Variants in EML1 observed in about 807,000 individuals in gnomAD.
The protein encoded by EML1 is echinoderm microtubule-associated protein-like 1.
EML1 carries 27 observed loss-of-function variants against 110.4 expected under a neutral mutation model. The ratio of observed to expected loss-of-function variants is 0.24; its 90% CI spans 0.18 to 0.34. EML1 has a LOEUF of 0.34. Ranked by LOEUF, EML1 falls within the 10% of genes least tolerant of loss-of-function variation. The pLI is 1.00. For missense variants in EML1, 741 were observed against 1,030.9 expected (o/e 0.72, Z 3.85); for synonymous variants, 344 against 385.8 (o/e 0.89, Z 1.27).
intron 1 of EML1, among the ~76,000 whole-genome samples, chr14:99,758,835 A>G (rs2057284996): frequency 1.3e-5 from 2 of 152,198 alleles, no homozygotes; most frequent in Non-Finnish European, 1.5e-5. Context: ...TGCCCTGTCC[A>G]TCACAATGAA....
At chr14:99,808,909 T>C (rs935723486) in intron 1 of EML1, among the ~76,000 whole-genome samples, 28 of 152,246 alleles carry the variant, frequency 1.8e-4, no homozygotes, top group Non-Finnish European at 2.6e-4. Flanking sequence ...GTAAGTAAAA[T>C]ACTACTTTAT....
intron 1 of EML1, among the ~76,000 whole-genome samples, chr14:99,754,891 G>A (rs1384504784): frequency 3.3e-5 from 5 of 152,226 alleles, no homozygotes; most frequent in African/African-American, 9.6e-5. Context: ...CCCATGATCC[G>A]GAGACAGCAG....
chr14:99,828,323 C>T (rs573476856), intron 1 of EML1, among the ~76,000 whole-genome samples: 42 of 152,064 alleles, frequency 2.8e-4, no homozygotes, highest in Non-Finnish European at 4.6e-4. Context: ...AACCTTGTGC[C>T]GTCTGCTTTC....
chr14:99,771,603 G>A (rs1054129921), upstream of EML1, among the ~76,000 whole-genome samples: 2 of 152,204 alleles, frequency 1.3e-5, no homozygotes, highest in Non-Finnish European at 2.9e-5. Flanking sequence ...CTTGAGCCCA[G>A]GAGTTTGAGA....
chr14:99,764,991 G>A (rs1237343696), intron 1 of EML1, among the ~76,000 whole-genome samples: 1 of 152,120 alleles, frequency 6.6e-6, no homozygotes, highest in Non-Finnish European at 1.5e-5. Flanking sequence ...AAGCTGGAGC[G>A]CAGTGGAACA....
chr14:99,774,251 TC>T (rs1156893862), intron 1 of EML1, among the ~76,000 whole-genome samples: 1 of 152,060 alleles, frequency 6.6e-6, no homozygotes, highest in East Asian at 1.9e-4. Context: ...GGGGGGACTT[TC>T]CCAGGCTCTA....
intron 5 of EML1, chr14:99,892,293 A>G (rs2059600839): frequency 4.8e-5 from 38 of 798,958 alleles, no homozygotes; most frequent in Non-Finnish European, 5.8e-5. Context: ...CTCTCCTTGT[A>G]TGAAAATGTT....
chr14:99,900,999 T>C lies in EML1; in HGVS notation c.968T>C (p.Phe323Ser). Residue 323 changes from phenylalanine (F) to serine (S), a missense_variant, in exon 9 of 22, where the codon TTT becomes TCT. Physicochemically the swap from Phe to Ser is radical, Grantham distance 155 (BLOSUM62 -2). This residue lies in a region of EML1 where 388 missense variants were observed against 605.6 expected (regional missense o/e 0.64). Coordinates refer to ENST00000262233, the MANE Select transcript of EML1 (RefSeq NM_004434.3). Reference protein sequence around the residue: ...LNTLHVIGIGFFDRAVTCIAF... With the variant: ...LNTLHVIGIGSFDRAVTCIAF... ...ACTCTCCACGTCATTGGAATAGGTT[T>C]TTTTGACCGAGCAGTCACCTGTATT... is the stretch of plus-strand genomic sequence containing the variant. 1 of 1,614,234 alleles carries C rather than the reference T, an allele frequency of 6.2e-7. No homozygotes were observed. Among genetic ancestry groups the C allele is most frequent in the Non-Finnish European group, 8.5e-7 (1 of 1,180,044 alleles).
chr14:99,756,257 C>G (rs559478949), intron 1 of EML1, among the ~76,000 whole-genome samples: 1 of 152,274 alleles, frequency 6.6e-6, no homozygotes, highest in Non-Finnish European at 1.5e-5. Flanking sequence ...CAGTCCCTTC[C>G]GACTTAAGGG....
At chr14:99,815,541 T>C (rs1292737725) in intron 1 of EML1, among the ~76,000 whole-genome samples, 1 of 152,206 alleles carries the variant, frequency 6.6e-6, no homozygotes. Context: ...AAAATTGTAA[T>C]TGATCTATTT....
intron 3 of EML1, among the ~76,000 whole-genome samples, chr14:99,872,012 C>T (rs1477225769): frequency 1.3e-5 from 2 of 152,158 alleles, no homozygotes; most frequent in African/African-American, 2.4e-5. Flanking sequence ...TCAGGAAAAA[C>T]GCTTGATATA....
intron 8 of EML1, among the ~76,000 whole-genome samples, chr14:99,899,034 T>A (rs1324791279): frequency 6.6e-5 from 10 of 152,228 alleles, no homozygotes. Flanking sequence ...AGTTTGTGTC[T>A]GTGTGCAGTC....
intron 1 of EML1, among the ~76,000 whole-genome samples, chr14:99,846,355 T>C (rs2058708350): frequency 6.7e-6 from 1 of 149,192 alleles, no homozygotes; most frequent in Non-Finnish European, 1.5e-5. Flanking sequence ...CAATCTCGGC[T>C]TACTGCAACC....
At chr14:99,753,929 A>G (rs556087074) in intron 1 of EML1, among the ~76,000 whole-genome samples, 1 of 152,268 alleles carries the variant, frequency 6.6e-6, no homozygotes, top group African/African-American at 2.4e-5. Flanking sequence ...TACTCCATGG[A>G]GGCAGAGGCT....
intron 7 of EML1, among the ~76,000 whole-genome samples, chr14:99,897,765 T>C (rs547514279): frequency 2.0e-5 from 3 of 152,230 alleles, no homozygotes; most frequent in Non-Finnish European, 1.5e-5. Context: ...CTGAGTCGGC[T>C]CTTCCCATAA....
chr14:99,838,937 G>GCA (rs2058589522), intron 1 of EML1: 2 of 151,812 alleles, frequency 1.3e-5, no homozygotes, highest in South Asian at 2.1e-4. Flanking sequence ...GTGTGCGCGC[G>GCA]CGCGTGCATG....
chr14:99,749,704 G>A (rs186617025), intron 1 of EML1, among the ~76,000 whole-genome samples: 17 of 152,196 alleles, frequency 1.1e-4, no homozygotes, highest in Non-Finnish European at 2.5e-4. Context: ...CATCAGTAGC[G>A]AGGGAGCTGA....
At chr14:99,808,428 G>A (rs1029764425) in intron 1 of EML1, among the ~76,000 whole-genome samples, 1 of 152,148 alleles carries the variant, frequency 6.6e-6, no homozygotes, top group African/African-American at 2.4e-5. Context: ...TTTCTTCATT[G>A]TGTACGGTAA....
At chr14:99,809,247 A>T (rs1566875973) in intron 1 of EML1, among the ~76,000 whole-genome samples, 2 of 152,204 alleles carry the variant, frequency 1.3e-5, no homozygotes, top group African/African-American at 4.8e-5. Flanking sequence ...GAACATTTTC[A>T]ATTCCCCTAT....
Sources: allele counts gnomAD v4.1 joint callset (sites outside exome capture counted in the v4.1 genomes callset), GRCh38; gene constraint gnomAD v4.1.1; regional missense constraint gnomAD v4.1.1; transcripts MANE v1.5; gene names NCBI Gene and HGNC (gene_info 2026-07-23, HGNC 2026-07-21).